Variants in ADD1 observed in about 807,000 individuals in gnomAD.
The protein encoded by ADD1 is alpha-adducin.
ADD1 carries 24 observed loss-of-function variants against 80.5 expected under a neutral mutation model. The observed-to-expected ratio is 0.30, with a 90% CI of 0.22 to 0.42. The LOEUF is 0.42. Among genes scored for constraint, ADD1 ranks in the 10% least tolerant of loss-of-function variants. ADD1 has a pLI of 1.00. For synonymous variants in ADD1, 373 were observed against 393.8 expected (o/e 0.95, Z 0.63); for missense variants, 948 against 1,019.0 (o/e 0.93, Z 0.95).
At chr4:2,874,448 A>G (rs1730939428) in intron 1 of ADD1, among the ~76,000 whole-genome samples, 2 of 152,028 alleles carry the variant, frequency 1.3e-5, no homozygotes. Context: ...CTCTACTAAA[A>G]ATACAAAAAT....
At chr4:2,922,294 T>C (rs1740184629) in intron 14 of ADD1, among the ~76,000 whole-genome samples, 1 of 152,204 alleles carries the variant, frequency 6.6e-6, no homozygotes. Flanking sequence ...TGGTCCTTGA[T>C]GTTGGTGACC....
rs1577774601 is a variant in ADD1, at chr4:2,928,339, C to G, written c.2216C>G (p.Ala739Gly). 6.2e-7 allele frequency: 1 copy of G among 1,613,840 alleles called. No homozygotes were observed. Among genetic ancestry groups the G allele is most frequent in the East Asian group, 2.2e-5 (1 of 44,864 alleles). Residue 739 changes from alanine (A) to glycine (G), a missense_variant, in exon 16 of 16, where the codon GCC (alanine) becomes GGC (glycine). Ala to Gly is a moderately conservative substitution (Grantham distance 60, BLOSUM62 0). Transcript: ENST00000683351. ...AGCCCCACTGAGGCCCCTACTGAGGCCAGCCCCGAGCCAGCCCCAGACCCA... is the reference window on the plus strand; with the variant it reads ...AGCCCCACTGAGGCCCCTACTGAGGGCAGCCCCGAGCCAGCCCCAGACCCA... ...PPSPTEAPTE[A>G]SPEPAPDPAP...
At position 2,908,519 on chromosome 4, in the gene ADD1, G is replaced by A. The variant is rs1737445238; in HGVS notation, c.1613G>A (p.Arg538Gln). 6.2e-7 allele frequency: 1 copy of A among 1,614,106 alleles called. No individual in the cohort carries two copies. Residue 538 changes from arginine to glutamine, a missense_variant, in exon 12 of 16, where the codon CGA (arginine) becomes CAA (glutamine). Transcript: ENST00000683351. ...GCCTCTCCTTCCCACCCTCAGATCCGAGAGCAGAATTTACAGGACATTAAG... is the reference window on the plus strand; with the variant it reads ...GCCTCTCCTTCCCACCCTCAGATCCAAGAGCAGAATTTACAGGACATTAAG... ...KEVQEMRNKI[R>Q]EQNLQDIKTA...
chr4:2,893,262 C>T (rs1322950597), intron 4 of ADD1, among the ~76,000 whole-genome samples: 1 of 150,630 alleles, frequency 6.6e-6, no homozygotes, highest in Non-Finnish European at 1.5e-5. Flanking sequence ...TTCATTTTGT[C>T]AGTGCCTACT....
chr4:2,871,234 G>A (rs1286586163), intron 1 of ADD1, among the ~76,000 whole-genome samples: 1 of 152,062 alleles, frequency 6.6e-6, no homozygotes, highest in Non-Finnish European at 1.5e-5. Context: ...GCCTCCCAAA[G>A]TGCTGTGATT....
rs1735839500 is a variant in ADD1 at position 2,899,599 on chromosome 4, A to G, written c.1161+164A>G. The G allele has an allele frequency of 5.2e-6, 4 of 766,874 alleles. No homozygotes were observed. In the East Asian group the frequency reaches 1.1e-4, roughly 21 times the overall value. The allele number at this position is 766,874 out of a possible 1,614,324, so 47.5% of individuals were successfully genotyped here. A position where few individuals can be genotyped will look rare whatever the true frequency, so the allele number is the denominator to read the frequency against. On this transcript the variant is annotated intron_variant, in intron 9 of 15. Transcript: ENST00000683351. ...GGTTGTTTAACTTCTGAGGTAAATT[A>G]CAATAAAATGTAGAGGTGAAGGATT... is the stretch of plus-strand genomic sequence containing the variant.
At chr4:2,927,397 G>A (rs1711988191) in intron 15 of ADD1, among the ~76,000 whole-genome samples, 1 of 152,228 alleles carries the variant, frequency 6.6e-6, no homozygotes, top group South Asian at 2.1e-4. Flanking sequence ...TAACCACTCA[G>A]CTGACTCCCC....
chr4:2,846,269 C>A (rs1726186189), intron 1 of ADD1, among the ~76,000 whole-genome samples: 1 of 152,098 alleles, frequency 6.6e-6, no homozygotes, highest in South Asian at 2.1e-4. Context: ...ATGGATGAAA[C>A]CTGGTAGTTT....
chr4:2,903,401 T>C (rs1736517347), intron 9 of ADD1, among the ~76,000 whole-genome samples: 1 of 152,186 alleles, frequency 6.6e-6, no homozygotes, highest in South Asian at 2.1e-4. Flanking sequence ...TCCTAGCTTC[T>C]GTGGGGCAGG....
At chr4:2,848,671 T>C (rs1265335309) in intron 1 of ADD1, among the ~76,000 whole-genome samples, 1 of 151,826 alleles carries the variant, frequency 6.6e-6, no homozygotes. Context: ...TTCAAAAGCC[T>C]GAGCTGTGTT....
At chr4:2,910,271 C>T (rs1737804702) in intron 13 of ADD1, among the ~76,000 whole-genome samples, 1 of 151,852 alleles carries the variant, frequency 6.6e-6, no homozygotes. Context: ...TTTCACTTGT[C>T]ACACCTTCAT....
intron 1 of ADD1, among the ~76,000 whole-genome samples, chr4:2,857,436 T>C (rs114256985): frequency 0.018 from 2,804 of 152,204 alleles, 58 homozygotes; most frequent in African/African-American, 0.046. Flanking sequence ...ATCGAAACCC[T>C]GTCTCTACAT....
In ADD1 at chr4:2,928,283, A is replaced by G; in HGVS notation, c.2160A>G (p.Leu720=). 1 of 1,614,070 alleles carries G rather than the reference A, an allele frequency of 6.2e-7. No individual in the cohort carries two copies. The highest frequency in any genetic ancestry group is 8.5e-7 in the Non-Finnish European group (1 of 1,180,008). The change falls in exon 16 of 16, where the codon TTA becomes TTG. Residue 720 remains leucine, a synonymous_variant. Coordinates refer to ENST00000683351, the MANE Select transcript of ADD1 (RefSeq NM_001354761.2). ...EPSEALGFPM[L]EKEEEAHRPP... Reference sequence around the variant, plus strand: ...CAGAAGCACTCGGCTTCCCAATGTTAGAGAAGGAGGAGGAAGCCCATAGAC... The same window carrying G: ...CAGAAGCACTCGGCTTCCCAATGTTGGAGAAGGAGGAGGAAGCCCATAGAC...
intron 13 of ADD1, 100 bp from the exon 14 acceptor site, chr4:2,914,784 G>A (rs1738698204): frequency 7.1e-7 from 1 of 1,416,634 alleles, no homozygotes; most frequent in Non-Finnish European, 9.5e-7. Flanking sequence ...TCTGCTCCTG[G>A]AAAGCCTCCT....
chr4:2,908,882 G>C (rs893472802), intron 12 of ADD1: 1 of 508,758 alleles, frequency 2.0e-6, no homozygotes, highest in Non-Finnish European at 3.5e-6. Flanking sequence ...TTGGGGCTCA[G>C]ATTCGGCCCG....
rs573231083 is a variant in ADD1, at chr4:2,868,634, A to G, written c.-20-7262A>G. ...AGTCTCATTTGAGCCCCTGCTATGTATGACACACTCCCCCAGGGCCCTTGT... is the reference window on the plus strand; with the variant it reads ...AGTCTCATTTGAGCCCCTGCTATGTGTGACACACTCCCCCAGGGCCCTTGT... On this transcript the variant is annotated intron_variant, in intron 1 of 15. Transcript: ENST00000683351. 2.6e-5 allele frequency among the ~76,000 whole-genome samples: 4 copies of G among 152,298 alleles called. No homozygotes were observed. The South Asian group carries it at 6.2e-4, about 24-fold the overall frequency.
chr4:2,885,291 A>G (rs1733064716), intron 4 of ADD1, among the ~76,000 whole-genome samples: 1 of 152,156 alleles, frequency 6.6e-6, no homozygotes, highest in African/African-American at 2.4e-5. Flanking sequence ...GAGTAGCGAA[A>G]TCCTGCTGTG....
At chr4:2,847,160 C>T (rs929005183) in intron 1 of ADD1, among the ~76,000 whole-genome samples, 8 of 152,028 alleles carry the variant, frequency 5.3e-5, no homozygotes, top group African/African-American at 1.7e-4. Context: ...TAGGTGCGGT[C>T]GCTCACAATC....
At chr4:2,883,062 A>G (rs1294991847) in intron 3 of ADD1, among the ~76,000 whole-genome samples, 1 of 152,050 alleles carries the variant, frequency 6.6e-6, no homozygotes, top group Non-Finnish European at 1.5e-5. Context: ...GGATTTCGCC[A>G]TGTTGGCCAT....
Sources: allele counts gnomAD v4.1 joint callset (sites outside exome capture counted in the v4.1 genomes callset), GRCh38; gene constraint gnomAD v4.1.1; transcripts MANE v1.5; gene names NCBI Gene and HGNC (gene_info 2026-07-23, HGNC 2026-07-21).